Variants in POU2AF1 observed in about 807,000 individuals in gnomAD.
POU2AF1 encodes the protein POU class 2 homeobox associating factor 1, also known as POU domain class 2-associating factor 1.
A neutral mutation model predicts 26.3 loss-of-function variants in POU2AF1; 12 were observed. That is an observed-to-expected ratio of 0.46 (90% CI 0.29 to 0.74). POU2AF1 has a LOEUF of 0.74. Ranked by LOEUF, POU2AF1 falls within the 30% of genes least tolerant of loss-of-function variation. The pLI, the probability that POU2AF1 is intolerant of heterozygous loss-of-function variation, is 0.09. For synonymous variants in POU2AF1, 175 were observed against 148.0 expected (o/e 1.18, Z -1.32); for missense variants, 297 against 334.5 (o/e 0.89, Z 0.87).
chr11:111,378,669 A>G (rs1163748350), intron 1 of POU2AF1, among the ~76,000 whole-genome samples: 2 of 72,164 alleles, frequency 2.8e-5, no homozygotes, highest in African/African-American at 5.9e-5. Context: ...CTCCCAGGGT[A>G]TCCACAGGGA....
At chr11:111,365,013 A>G (rs984830233) in intron 1 of POU2AF1, among the ~76,000 whole-genome samples, 11 of 152,230 alleles carry the variant, frequency 7.2e-5, no homozygotes, top group African/African-American at 1.9e-4. Context: ...AAGACCAAAG[A>G]CAGCCTTATG....
intron 4 of POU2AF1, 72 bp downstream of exon 4, chr11:111,357,373 G>C: frequency 6.3e-7 from 1 of 1,584,242 alleles, no homozygotes; most frequent in Non-Finnish European, 8.7e-7. Flanking sequence ...GATCAGGATC[G>C]AGAAGTCAGC....
chr11:111,367,288 G>A (rs982440814), intron 1 of POU2AF1, among the ~76,000 whole-genome samples: 2 of 152,236 alleles, frequency 1.3e-5, no homozygotes, highest in Admixed American at 6.5e-5. Flanking sequence ...GGGTGGTAAA[G>A]GTCCATGTGT....
chr11:111,367,532 A>T (rs1861127563), intron 1 of POU2AF1, among the ~76,000 whole-genome samples: 1 of 151,924 alleles, frequency 6.6e-6, no homozygotes. Context: ...AGGACCTGTG[A>T]TTCCAAGTAC....
At chr11:111,358,380 TCA>T (rs1289541771) in intron 2 of POU2AF1, among the ~76,000 whole-genome samples, 10 of 16,112 alleles carry the variant, frequency 6.2e-4, no homozygotes, top group African/African-American at 1.3e-3. Context: ...ACACACTCTC[TCA>T]CACACACTCC....
At chr11:111,357,002 T>C (rs1238646603) in intron 4 of POU2AF1, among the ~76,000 whole-genome samples, 1 of 152,240 alleles carries the variant, frequency 6.6e-6, no homozygotes, top group African/African-American at 2.4e-5. Context: ...TATCACCTGT[T>C]GTTCAGCCTA....
At chr11:111,357,907 C>G (rs1240170120) in intron 2 of POU2AF1, 70 bp from the exon 3 acceptor site, 6 of 1,443,422 alleles carry the variant, frequency 4.2e-6, no homozygotes, top group Non-Finnish European at 5.6e-6. Context: ...AGAGAACTTG[C>G]CCAGAGGGCC....
intron 1 of POU2AF1, among the ~76,000 whole-genome samples, chr11:111,369,581 G>A (rs755347736): frequency 2.0e-5 from 3 of 152,208 alleles, no homozygotes; most frequent in Non-Finnish European, 4.4e-5. Context: ...AGTGCCCATA[G>A]ATGGGAGTTT....
intron 1 of POU2AF1, among the ~76,000 whole-genome samples, chr11:111,361,590 T>C (rs1252189807): frequency 6.6e-6 from 1 of 152,246 alleles, no homozygotes; most frequent in Non-Finnish European, 1.5e-5. Context: ...TTAATTATCT[T>C]CCTTCTGGCC....
intron 1 of POU2AF1, among the ~76,000 whole-genome samples, chr11:111,361,191 C>G (rs1861001606): frequency 2.5e-5 from 3 of 120,286 alleles, no homozygotes; most frequent in South Asian, 4.8e-4. Flanking sequence ...CCACGTGGAT[C>G]TTGCAGTCTA....
chr11:111,368,479 T>C (rs1415262512), intron 1 of POU2AF1, among the ~76,000 whole-genome samples: 2 of 152,012 alleles, frequency 1.3e-5, no homozygotes, highest in Non-Finnish European at 2.9e-5. Flanking sequence ...GATTCTAAGA[T>C]GGAAATCAGT....
intron 1 of POU2AF1, chr11:111,360,091 G>A (rs1860976585): frequency 3.9e-6 from 2 of 517,120 alleles, no homozygotes; most frequent in African/African-American, 1.9e-5. Context: ...CCAGTGCATA[G>A]GGCCCTTCCT....
intron 1 of POU2AF1, among the ~76,000 whole-genome samples, chr11:111,368,064 A>C (rs891102869): frequency 1.3e-5 from 2 of 152,206 alleles, no homozygotes; most frequent in Non-Finnish European, 2.9e-5. Flanking sequence ...CTTGGAGCTT[A>C]CAGTCTAGTC....
intron 1 of POU2AF1, among the ~76,000 whole-genome samples, chr11:111,372,029 T>TACAC (rs374971894): frequency 0.03 from 3,644 of 121,082 alleles, 91 homozygotes; most frequent in East Asian, 0.12. Flanking sequence ...CACACACAAA[T>TACAC]ACACACACAC....
intron 1 of POU2AF1, chr11:111,364,085 G>A: frequency 1.2e-6 from 1 of 821,920 alleles, no homozygotes; most frequent in Non-Finnish European, 1.5e-6. Context: ...TTTCCAAAAT[G>A]AGCAATGAAA....
intron 1 of POU2AF1, among the ~76,000 whole-genome samples, chr11:111,378,287 G>T (rs962689502): frequency 2.6e-5 from 4 of 152,170 alleles, no homozygotes; most frequent in African/African-American, 9.7e-5. Context: ...AAGGAACCAA[G>T]AATCTTTAAG....
Position 111,365,551 on chromosome 11 carries a change from C to T in POU2AF1, c.17-6633G>A, listed in dbSNP as rs191082406. 5.3e-3 allele frequency among the ~76,000 whole-genome samples: 803 copies of T among 152,226 alleles called. 11 individuals are homozygous for T. The highest frequency in any genetic ancestry group is 4.3e-3 in the Non-Finnish European group (291 of 68,008). ...AAAAAAACCCCACTGAGAAGAAATA[C>T]GATTTTCTCTTTATTTGTAGCAAAA... On this transcript the variant is annotated intron_variant, in intron 1 of 4. Coordinates refer to ENST00000393067, the MANE Select transcript of POU2AF1 (RefSeq NM_006235.3).
chr11:111,357,986 C>T (rs1860886025), intron 2 of POU2AF1, 149 bp from the exon 3 acceptor site: 1 of 858,248 alleles, frequency 1.2e-6, no homozygotes, highest in South Asian at 1.9e-5. Context: ...GTATCCCAAC[C>T]ATCACCACCT....
chr11:111,358,330 A>ACACT (rs1235766506), intron 2 of POU2AF1, among the ~76,000 whole-genome samples: 13 of 89,382 alleles, frequency 1.5e-4, no homozygotes, highest in African/African-American at 4.4e-4. Flanking sequence ...GTACTCTCTC[A>ACACT]CACACTCTCA....
Sources: gnomAD v4.1 joint callset for allele counts (sites outside exome capture counted in the v4.1 genomes callset) on GRCh38, gnomAD v4.1.1 for gene constraint, MANE v1.5 for transcripts, NCBI Gene and HGNC (gene_info 2026-07-23, HGNC 2026-07-21) for gene names.